ATP2B4: variants seen among roughly 807,000 people sequenced by gnomAD.
The protein encoded by ATP2B4 is ATPase plasma membrane Ca2+ transporting 4, also known as plasma membrane calcium-transporting ATPase 4.
A neutral mutation model predicts 110.3 loss-of-function variants in ATP2B4; 39 were observed. The observed-to-expected ratio is 0.35, with a 90% CI of 0.27 to 0.46. The LOEUF is 0.46. Among genes scored for constraint, ATP2B4 ranks in the 20% least tolerant of loss-of-function variants. The pLI is 1.00. For missense variants in ATP2B4, 1,135 were observed against 1,530.9 expected (o/e 0.74, Z 4.32); for synonymous variants, 538 against 571.7 (o/e 0.94, Z 0.84).
rs1666971092 is a variant in ATP2B4, at chr1:203,740,246, A to G, written c.*392A>G. The G allele has an allele frequency of 5.3e-6, 1 of 187,444 alleles. No individual in the cohort carries two copies. Among genetic ancestry groups the G allele is most frequent in the African/African-American group, 2.3e-5 (1 of 42,754 alleles). The allele number at this position is 187,444 out of a possible 1,614,324, so 11.6% of individuals were successfully genotyped here. On this transcript the variant is annotated 3_prime_UTR_variant, in exon 21 of 21. Transcript: ENST00000357681. Reference sequence around the variant, plus strand: ...CATTTATAAGCTAAGTTGAGGGTTCAGAGGGAGACAAATATCCCCAAGTGA... The same window carrying G: ...CATTTATAAGCTAAGTTGAGGGTTCGGAGGGAGACAAATATCCCCAAGTGA...
At chr1:203,739,275 G>A (rs568632960) in intron 20 of ATP2B4, among the ~76,000 whole-genome samples, 5 of 152,100 alleles carry the variant, frequency 3.3e-5, no homozygotes, top group Non-Finnish European at 5.9e-5. Flanking sequence ...GAATGCTAAC[G>A]TTGCTTTGGG....
At chr1:203,687,863 T>C (rs1310258265) in intron 2 of ATP2B4, among the ~76,000 whole-genome samples, 2 of 152,152 alleles carry the variant, frequency 1.3e-5, no homozygotes, top group African/African-American at 2.4e-5. Flanking sequence ...GAGACTGCTC[T>C]AGCATAAGAA....
intron 1 of ATP2B4, among the ~76,000 whole-genome samples, chr1:203,653,026 G>A (rs1415032911): frequency 2.0e-5 from 3 of 152,206 alleles, no homozygotes; most frequent in Non-Finnish European, 4.4e-5. Context: ...CCCAAAGCTA[G>A]GCCTCTTGTA....
chr1:203,719,648 G>A lies in ATP2B4; in HGVS notation c.2407-901G>A, dbSNP rs11240259. 3.9e-5 allele frequency among the ~76,000 whole-genome samples: 6 copies of A among 152,068 alleles called. No individual in the cohort carries two copies. In the South Asian group the frequency reaches 6.2e-4, roughly 16 times the overall value. The stretch of plus-strand genomic sequence containing the variant: ...GAGACTCGCTTGAACCCAGGAGTCA[G>A]AGGTAGCAGTGAGCTGAGATCACAC... On this transcript the variant is annotated intron_variant, in intron 15 of 20. Coordinates refer to ENST00000357681, the MANE Select transcript of ATP2B4 (RefSeq NM_001684.5).
At chr1:203,686,842 C>T (rs1034474844) in intron 2 of ATP2B4, among the ~76,000 whole-genome samples, 5 of 151,186 alleles carry the variant, frequency 3.3e-5, no homozygotes, top group South Asian at 2.1e-4. Flanking sequence ...TACAGGTGCA[C>T]GCCACCACTC....
chr1:203,702,910 T>G lies in ATP2B4; in HGVS notation c.938-742T>G, dbSNP rs185785451. ...CTAAACAGAAATAATTCTTTAATTT[T>G]AGGTCTTTAACTCTTCTTTTAAAAG... On this transcript the variant is annotated intron_variant, in intron 7 of 20. Coordinates refer to ENST00000357681, the MANE Select transcript of ATP2B4 (RefSeq NM_001684.5). Among the ~76,000 whole-genome samples, 244 of 152,362 alleles carry G rather than the reference T, an allele frequency of 1.6e-3. 2 individuals are homozygous for G. The highest frequency in any genetic ancestry group is 5.6e-3 in the African/African-American group (234 of 41,590).
In ATP2B4 at chr1:203,743,516, T is replaced by A. The variant is rs1181871482; in HGVS notation, c.*3662T>A. ...TTAGGAGAGATGGAAGGAGATGAGC[T>A]CCCATAACTGAATTGGCCTTTGGTT... On this transcript the variant is annotated 3_prime_UTR_variant, in exon 21 of 21. Coordinates refer to ENST00000357681, the MANE Select transcript of ATP2B4 (RefSeq NM_001684.5). The A allele has an allele frequency of 6.6e-6, 1 of 152,618 alleles. No homozygotes were observed. Among genetic ancestry groups the A allele is most frequent in the Non-Finnish European group, 1.5e-5 (1 of 68,050 alleles). 9.5% of individuals were successfully genotyped at this position (152,618 alleles called of 1,614,324 possible). A position where few individuals can be genotyped will look rare whatever the true frequency, so the allele number is the denominator to read the frequency against.
chr1:203,729,694 G>A (rs778742358), intron 20 of ATP2B4: 7 of 1,328,866 alleles, frequency 5.3e-6, no homozygotes, highest in Non-Finnish European at 7.1e-6. Context: ...GCAGCTCCCT[G>A]GGGACACAGG....
intron 15 of ATP2B4, among the ~76,000 whole-genome samples, chr1:203,717,163 A>C (rs1292448751): frequency 6.6e-6 from 1 of 152,164 alleles, no homozygotes; most frequent in Non-Finnish European, 1.5e-5. Flanking sequence ...ACGCCTCTGC[A>C]TTCCAGCCTG....
Position 203,653,974 on chromosome 1 carries a change from TA to T in ATP2B4, c.-465+26756del, listed in dbSNP as rs1457105651. On this transcript the variant is annotated intron_variant, in intron 1 of 20. Transcript: ENST00000357681. ...ATGGTTTGCCAAATATATATATATA[TA>T]TATATATATATTTTTTTTTTTTTTT... Among the ~76,000 whole-genome samples, 864 of 123,410 alleles carry T rather than the reference TA, an allele frequency of 7.0e-3. 7 individuals are homozygous for T. Among genetic ancestry groups the T allele is most frequent in the East Asian group, 9.1e-3 (28 of 3,080 alleles). 81.0% of individuals were successfully genotyped at this position (123,410 alleles called of 152,430 possible).
At chr1:203,722,383 C>T (rs1266787912) in intron 17 of ATP2B4, 95 bp from the exon 18 acceptor site, 35 of 965,950 alleles carry the variant, frequency 3.6e-5, no homozygotes, top group Admixed American at 6.1e-5. Flanking sequence ...TTAGAATGGA[C>T]ACCAGCCATA....
chr1:203,694,757 A>T (rs1665482765), intron 2 of ATP2B4, among the ~76,000 whole-genome samples: 1 of 152,196 alleles, frequency 6.6e-6, no homozygotes, highest in African/African-American at 2.4e-5. Flanking sequence ...TGGCTAATAC[A>T]TTGAGAAGAG....
chr1:203,674,052 T>G (rs1294501739), intron 1 of ATP2B4, among the ~76,000 whole-genome samples: 1 of 152,018 alleles, frequency 6.6e-6, no homozygotes, highest in East Asian at 1.9e-4. Flanking sequence ...TCCAAGAGAG[T>G]GCATATACGA....
chr1:203,658,458 G>A (rs1664231953), intron 1 of ATP2B4, among the ~76,000 whole-genome samples: 1 of 151,398 alleles, frequency 6.6e-6, no homozygotes, highest in African/African-American at 2.4e-5. Context: ...TTGAGCCCAG[G>A]AGATTCAGTC....
chr1:203,663,113 T>G (rs902346152), intron 1 of ATP2B4, among the ~76,000 whole-genome samples: 1 of 152,174 alleles, frequency 6.6e-6, no homozygotes. Flanking sequence ...GTTTATATTT[T>G]TTGGGTTTGT....
chr1:203,717,652 T>G (rs1666199547), intron 15 of ATP2B4, among the ~76,000 whole-genome samples: 1 of 150,194 alleles, frequency 6.7e-6, no homozygotes, highest in South Asian at 2.1e-4. Flanking sequence ...ATTTATTTAT[T>G]TATTTATGAG....
intron 2 of ATP2B4, among the ~76,000 whole-genome samples, chr1:203,686,110 G>A (rs1407271246): frequency 6.6e-6 from 1 of 151,934 alleles, no homozygotes; most frequent in Non-Finnish European, 1.5e-5. Context: ...TTTGGGCTCT[G>A]TCTACTTCTT....
intron 8 of ATP2B4, among the ~76,000 whole-genome samples, chr1:203,704,437 CT>C (rs1665786589): frequency 8.0e-6 from 1 of 124,628 alleles, no homozygotes; most frequent in African/African-American, 3.1e-5. Flanking sequence ...AAGATTGCTA[CT>C]TTAGTGGACA....
chr1:203,664,133 A>C (rs1391307611), intron 1 of ATP2B4, among the ~76,000 whole-genome samples: 2 of 152,348 alleles, frequency 1.3e-5, no homozygotes, highest in Non-Finnish European at 2.9e-5. Context: ...TCCACATGTG[A>C]GTTCTTAACA....
Sources: gnomAD v4.1 joint callset for allele counts (sites outside exome capture counted in the v4.1 genomes callset) on GRCh38, gnomAD v4.1.1 for gene constraint, MANE v1.5 for transcripts, NCBI Gene and HGNC (gene_info 2026-07-23, HGNC 2026-07-21) for gene names.